FRMD6: variants seen among roughly 807,000 people sequenced by gnomAD.
FRMD6 encodes FERM domain-containing protein 6.
A neutral mutation model predicts 73.2 loss-of-function variants in FRMD6; 37 were observed. The ratio of observed to expected loss-of-function variants is 0.51; its 90% CI spans 0.39 to 0.66. The LOEUF is 0.66. FRMD6 is among the 30% of genes least tolerant of loss of function. The pLI is 0.00. For synonymous variants in FRMD6, 273 were observed against 282.2 expected, an observed-to-expected ratio of 0.97 and a Z score of 0.33; for missense variants, 714 against 780.5, an observed-to-expected ratio of 0.91 and a Z score of 1.02.
At chr14:51,644,353 T>TCACACA (rs375341468) in intron 2 of FRMD6, among the ~76,000 whole-genome samples, 2,544 of 142,102 alleles carry the variant, frequency 0.018, 26 homozygotes, top group African/African-American at 0.033. Context: ...GCCTCACCCT[T>TCACACA]CACACACACA....
intron 1 of FRMD6, among the ~76,000 whole-genome samples, chr14:51,570,095 G>A (rs903717686): frequency 2.0e-5 from 3 of 152,126 alleles, no homozygotes; most frequent in Non-Finnish European, 2.9e-5. Flanking sequence ...GATTACAGAC[G>A]TGAGCCACTG....
chr14:51,604,903 C>T lies in FRMD6; in HGVS notation c.-147+34493C>T, dbSNP rs78415636. Among the ~76,000 whole-genome samples the T allele has an allele frequency of 2.5e-3, 377 of 152,266 alleles. 1 individual carries two copies. Among genetic ancestry groups the T allele is most frequent in the African/African-American group, 8.8e-3 (367 of 41,550 alleles). On this transcript the variant is annotated intron_variant, in intron 2 of 14. Coordinates refer to the FRMD6 transcript ENST00000356218. ...ATATGTGCTACCAAAGTGAGCACTG[C>T]TTACTCTTAATACTGGCACAAGTGA...
At chr14:51,497,503 A>C (rs554247793) in intron 1 of FRMD6, among the ~76,000 whole-genome samples, 4 of 152,268 alleles carry the variant, frequency 2.6e-5, no homozygotes, top group African/African-American at 7.2e-5. Context: ...TCTCCACACT[A>C]ATGTTACAAT....
chr14:51,471,778 C>G, the FRMD6 span, among the ~76,000 whole-genome samples: 1 of 151,522 alleles, frequency 6.6e-6, no homozygotes, highest in Non-Finnish European at 1.5e-5. Flanking sequence ...GCCCAGCATT[C>G]AAATAATAAC....
At chr14:51,726,815 G>T (rs1360721255) in intron 13 of FRMD6, among the ~76,000 whole-genome samples, 1 of 152,082 alleles carries the variant, frequency 6.6e-6, no homozygotes, top group Non-Finnish European at 1.5e-5. Context: ...GGGATCACTC[G>T]GATGTGACAC....
At chr14:51,676,456 T>A (rs1894395699) in intron 1 of FRMD6, among the ~76,000 whole-genome samples, 1 of 152,184 alleles carries the variant, frequency 6.6e-6, no homozygotes, top group South Asian at 2.1e-4. Context: ...TAACATTTTT[T>A]AAGTATGTGG....
At chr14:51,512,665 C>T (rs1884383276) in intron 1 of FRMD6, among the ~76,000 whole-genome samples, 1 of 151,808 alleles carries the variant, frequency 6.6e-6, no homozygotes, top group Non-Finnish European at 1.5e-5. Flanking sequence ...GTCTGGGACA[C>T]AGCACAAATC....
chr14:51,605,520 T>C (rs1159054429), intron 2 of FRMD6, among the ~76,000 whole-genome samples: 1 of 152,168 alleles, frequency 6.6e-6, no homozygotes. Flanking sequence ...TTGGAGTCCC[T>C]ATAATTATGT....
chr14:51,496,923 A>G (rs1883326962), intron 1 of FRMD6, among the ~76,000 whole-genome samples: 1 of 152,188 alleles, frequency 6.6e-6, no homozygotes. Context: ...ATTTCTCTTC[A>G]TCCAGAAATG....
chr14:51,715,697 T>TA, intron 10 of FRMD6, among the ~76,000 whole-genome samples, 198 bp downstream of exon 10: 1 of 152,232 alleles, frequency 6.6e-6, no homozygotes, highest in Non-Finnish European at 1.5e-5. Flanking sequence ...CTGTAGCACT[T>TA]ATTCAGAATA....
chr14:51,623,239 T>C lies in FRMD6; in HGVS notation c.-147+52829T>C, dbSNP rs559327024. Among the ~76,000 whole-genome samples, 6 of 152,336 alleles carry C rather than the reference T, an allele frequency of 3.9e-5. No individual in the cohort carries two copies. The South Asian group carries it at 1.2e-3, about 32-fold the overall frequency. ...AAAACAAAACAAAATAAAAATAATC[T>C]TGGTGGAATTCTTGATCATATGTTA... On this transcript the variant is annotated intron_variant, in intron 2 of 14. Coordinates refer to the FRMD6 transcript ENST00000356218.
At chr14:51,430,439 C>G in the FRMD6 span, among the ~76,000 whole-genome samples, 1 of 152,126 alleles carries the variant, frequency 6.6e-6, no homozygotes, top group African/African-American at 2.4e-5. Flanking sequence ...TAACAATACA[C>G]CTTACAGGAT....
the FRMD6 span, among the ~76,000 whole-genome samples, chr14:51,427,775 G>C: frequency 6.6e-6 from 1 of 152,182 alleles, no homozygotes; most frequent in African/African-American, 2.4e-5. Flanking sequence ...CAGGAAGTTT[G>C]CAAGCTTTCT....
the FRMD6 span, among the ~76,000 whole-genome samples, chr14:51,441,238 C>T: frequency 9.2e-5 from 14 of 152,364 alleles, no homozygotes; most frequent in Middle Eastern, 3.4e-3. Context: ...CCAAATGCTC[C>T]ACAACCTGGA....
At chr14:51,655,702 GTAGAT>G (rs1295241708) in intron 1 of FRMD6, among the ~76,000 whole-genome samples, 1 of 152,188 alleles carries the variant, frequency 6.6e-6, no homozygotes, top group African/African-American at 2.4e-5. Flanking sequence ...GTTTAGAAGT[GTAGAT>G]TAAAGAATAA....
intron 1 of FRMD6, among the ~76,000 whole-genome samples, chr14:51,674,566 G>C (rs1383941868): frequency 2.0e-5 from 3 of 152,038 alleles, no homozygotes; most frequent in African/African-American, 7.2e-5. Flanking sequence ...AGCAGAGGTA[G>C]GGTGGTTTCT....
At chr14:51,468,684 G>A in the FRMD6 span, among the ~76,000 whole-genome samples, 2 of 152,154 alleles carry the variant, frequency 1.3e-5, no homozygotes, top group African/African-American at 2.4e-5. Context: ...GGACAATTCA[G>A]TCTTTTGTCA....
In FRMD6 at chr14:51,652,316, C is replaced by T. The variant is rs1594660698; in HGVS notation, c.-147+320C>T. ...CCGGCAGCGGGGGAGGCGTGGAGCT[C>T]GGGGCGGCTTCAGCGGCGGGGGCGG... is the stretch of plus-strand genomic sequence containing the variant. On this transcript the variant is annotated intron_variant, in intron 1 of 13. Coordinates refer to ENST00000344768, the MANE Select transcript of FRMD6 (RefSeq NM_001267046.2). 1.3e-5 allele frequency: 2 copies of T among 152,858 alleles called. 1 individual carries two copies. Among genetic ancestry groups the T allele is most frequent in the African/African-American group, 4.8e-5 (2 of 41,558 alleles). 9.5% of individuals were successfully genotyped at this position (152,858 alleles called of 1,614,324 possible). A position where few individuals can be genotyped will look rare whatever the true frequency, so the allele number is the denominator to read the frequency against.
At chr14:51,616,886 G>A (rs936425231) in intron 2 of FRMD6, among the ~76,000 whole-genome samples, 1 of 152,334 alleles carries the variant, frequency 6.6e-6, no homozygotes, top group South Asian at 2.1e-4. Context: ...GAGTAACCTA[G>A]AGGTGACTTT....
Sources: gnomAD v4.1 joint callset for allele counts (sites outside exome capture counted in the v4.1 genomes callset) on GRCh38, gnomAD v4.1.1 for gene constraint, MANE v1.5 for transcripts, NCBI Gene and HGNC (gene_info 2026-07-23, HGNC 2026-07-21) for gene names.